The following PRKCE variants were observed in gnomAD, a reference collection of about 807,000 sequenced individuals.
The protein encoded by PRKCE is protein kinase C epsilon.
A neutral mutation model predicts 85.4 loss-of-function variants in PRKCE; 16 were observed. The observed-to-expected ratio is 0.19, with a 90% CI of 0.13 to 0.28. The LOEUF is 0.28. Ranked by LOEUF, PRKCE falls within the 10% of genes least tolerant of loss-of-function variation. The probability of loss-of-function intolerance (pLI) is 1.00; values close to 1 mark genes in which losing one functional copy is unlikely to be tolerated. For synonymous variants in PRKCE, 388 were observed against 371.5 expected, an observed-to-expected ratio of 1.04 and a Z score of -0.51; for missense variants, 573 against 975.2, an observed-to-expected ratio of 0.59 and a Z score of 5.49.
At chr2:45,695,973 G>A (rs1001176582) in intron 1 of PRKCE, among the ~76,000 whole-genome samples, 2 of 151,892 alleles carry the variant, frequency 1.3e-5, no homozygotes, top group African/African-American at 2.4e-5. Context: ...AAGTTTTAGG[G>A]TACATGTGCA....
chr2:45,951,048 C>G (rs978944324), intron 2 of PRKCE, among the ~76,000 whole-genome samples: 1 of 152,140 alleles, frequency 6.6e-6, no homozygotes, highest in East Asian at 1.9e-4. Context: ...TACAATCCTG[C>G]CCACAGCTTA....
intron 1 of PRKCE, among the ~76,000 whole-genome samples, chr2:45,842,777 G>C (rs1023740267): frequency 2.6e-5 from 4 of 152,170 alleles, no homozygotes; most frequent in African/African-American, 9.7e-5. Context: ...CCCCTGTGTA[G>C]CAAAATTGCC....
intron 14 of PRKCE, among the ~76,000 whole-genome samples, chr2:46,181,128 C>T (rs554634616): frequency 6.6e-6 from 1 of 152,256 alleles, no homozygotes; most frequent in South Asian, 2.1e-4. Context: ...CTGCTCTGTG[C>T]GGGAGGTAGC....
intron 1 of PRKCE, among the ~76,000 whole-genome samples, chr2:45,833,875 G>A (rs577083993): frequency 1.4e-4 from 21 of 152,328 alleles, no homozygotes; most frequent in Middle Eastern, 3.4e-3. Context: ...CCTCTTCTTA[G>A]GATATACAGT....
intron 2 of PRKCE, among the ~76,000 whole-genome samples, chr2:45,963,801 T>C (rs55652929): frequency 0.012 from 1,772 of 152,200 alleles, 31 homozygotes; most frequent in African/African-American, 0.039. Flanking sequence ...GACCATTATT[T>C]TTCTTTTTAA....
chr2:46,169,710 C>T (rs1467606582), intron 14 of PRKCE, among the ~76,000 whole-genome samples: 1 of 152,184 alleles, frequency 6.6e-6, no homozygotes, highest in African/African-American at 2.4e-5. Flanking sequence ...CAGCAGCTGA[C>T]ATATCAGCTA....
chr2:45,787,657 G>A (rs749837211), intron 1 of PRKCE, among the ~76,000 whole-genome samples: 57 of 152,170 alleles, frequency 3.7e-4, no homozygotes, highest in Middle Eastern at 3.2e-3. Flanking sequence ...TTCCATATAA[G>A]ATTTCATCTG....
At chr2:46,058,047 CA>C (rs55747344) in intron 10 of PRKCE, among the ~76,000 whole-genome samples, 4,764 of 152,324 alleles carry the variant, frequency 0.031, 117 homozygotes, top group East Asian at 0.12. Context: ...CCTCACTTTC[CA>C]ATTTGCAACA....
At chr2:46,112,954 A>G (rs1672414846) in intron 11 of PRKCE, among the ~76,000 whole-genome samples, 1 of 152,248 alleles carries the variant, frequency 6.6e-6, no homozygotes, top group Non-Finnish European at 1.5e-5. Flanking sequence ...AAAATATGAA[A>G]AAAGTTTGTT....
chr2:45,887,662 T>C (rs1014946598), intron 2 of PRKCE, among the ~76,000 whole-genome samples: 13 of 152,090 alleles, frequency 8.5e-5, no homozygotes, highest in Admixed American at 5.9e-4. Context: ...TCTAGAACCA[T>C]GCCACATCAG....
In PRKCE at chr2:46,027,928, G is replaced by A. The variant is rs542504880; in HGVS notation, c.1437+17411G>A. On this transcript the variant is annotated intron_variant, in intron 10 of 14. Coordinates refer to ENST00000306156, the MANE Select transcript of PRKCE (RefSeq NM_005400.3). The stretch of plus-strand genomic sequence containing the variant: ...TACCCTGGGGGACCTCCCTCTTGAA[G>A]GTTGGGATTCTTTTTTTTCTTTTTT... 2.0e-5 allele frequency among the ~76,000 whole-genome samples: 3 copies of A among 152,174 alleles called. No individual in the cohort carries two copies. The South Asian group carries it at 6.2e-4, about 32-fold the overall frequency.
At chr2:46,101,877 A>C (rs950214730) in intron 11 of PRKCE, among the ~76,000 whole-genome samples, 4 of 151,642 alleles carry the variant, frequency 2.6e-5, no homozygotes, top group African/African-American at 4.8e-5. Context: ...AAAAAAAAAA[A>C]AAAAAACCCA....
chr2:46,185,037 A>C lies in PRKCE; in HGVS notation c.*156A>C. On this transcript the variant is annotated 3_prime_UTR_variant, in exon 15 of 15. Coordinates refer to ENST00000306156, the MANE Select transcript of PRKCE (RefSeq NM_005400.3). The surrounding 1 kb of genome is among the most constrained non-coding windows in gnomAD (Gnocchi z 4.7). Reference sequence around the variant, plus strand: ...TTATTGCATTCCCTTGCCCCAGGCCACCTCCTCCCCCTCCCACCTGGTGAC... The same window carrying C: ...TTATTGCATTCCCTTGCCCCAGGCCCCCTCCTCCCCCTCCCACCTGGTGAC... The C allele has an allele frequency of 5.0e-6, 5 of 1,004,396 alleles. No homozygotes were observed. Among genetic ancestry groups the C allele is most frequent in the East Asian group, 2.6e-5 (1 of 38,104 alleles). 62.2% of individuals were successfully genotyped at this position (1,004,396 alleles called of 1,614,324 possible). A position where few individuals can be genotyped will look rare whatever the true frequency, so the allele number is the denominator to read the frequency against.
In PRKCE at chr2:46,001,410, A is replaced by G; in HGVS notation, c.830A>G (p.Lys277Arg). ...TCTCCATGTCTCCTTACAGTCTGCA[A>G]AATGAATGTTCACCGTCGATGTGAG... ...LRQGLQCKVC[K>R]MNVHRRCETN... The change falls in exon 7 of 15, where the codon AAA becomes AGA. Residue 277 changes from lysine to arginine, a missense_variant. Physicochemically the swap from Lys to Arg is conservative, Grantham distance 26. This residue lies in a region of PRKCE where 55 missense variants were observed against 128.1 expected (regional missense o/e 0.43). Transcript: ENST00000306156. This position sits in a 1 kb window ranked among gnomAD's most constrained non-coding sequence, Gnocchi z 4.4. The G allele has an allele frequency of 1.9e-6, 3 of 1,599,120 alleles. No homozygotes were observed. Among genetic ancestry groups the G allele is most frequent in the South Asian group, 2.2e-5 (2 of 91,004 alleles).
intron 1 of PRKCE, among the ~76,000 whole-genome samples, chr2:45,745,146 C>G (rs1457169762): frequency 6.6e-6 from 1 of 152,162 alleles, no homozygotes; most frequent in Non-Finnish European, 1.5e-5. Flanking sequence ...GAGATCAATT[C>G]CATCTTACAA....
At chr2:45,884,389 C>T (rs555026221) in intron 2 of PRKCE, among the ~76,000 whole-genome samples, 13 of 152,280 alleles carry the variant, frequency 8.5e-5, no homozygotes, top group African/African-American at 2.4e-4. Context: ...CATAGTATGA[C>T]GACAGGGTGG....
intron 11 of PRKCE, among the ~76,000 whole-genome samples, chr2:46,142,304 T>C (rs1675617272): frequency 6.6e-6 from 1 of 152,200 alleles, no homozygotes; most frequent in Non-Finnish European, 1.5e-5. Context: ...GTGTGAGCTC[T>C]TTTGTTTATA....
chr2:45,928,503 A>G (rs1278012560), intron 2 of PRKCE, among the ~76,000 whole-genome samples: 2 of 152,182 alleles, frequency 1.3e-5, no homozygotes. Flanking sequence ...TTCTGAGCTC[A>G]GGCAATTCTG....
chr2:45,993,777 G>C, intron 6 of PRKCE, among the ~76,000 whole-genome samples: 1 of 152,196 alleles, frequency 6.6e-6, no homozygotes. Context: ...AGGCAGGGTA[G>C]TGGGGACAGA....
Sources: allele counts gnomAD v4.1 joint callset (sites outside exome capture counted in the v4.1 genomes callset), GRCh38; gene constraint gnomAD v4.1.1; regional missense constraint gnomAD v4.1.1; non-coding constraint Gnocchi (gnomAD v3.1); transcripts MANE v1.5; gene names NCBI Gene and HGNC (gene_info 2026-07-23, HGNC 2026-07-21).